UNC5D: variants seen among roughly 807,000 people sequenced by gnomAD.
The protein encoded by UNC5D is unc-5 netrin receptor D, also known as netrin receptor UNC5D.
In UNC5D, 39 loss-of-function variants were observed where a neutral mutation model predicts 105.4. The ratio of observed to expected loss-of-function variants is 0.37; its 90% CI spans 0.29 to 0.48. The LOEUF (loss-of-function observed/expected upper bound fraction) is 0.48. Among genes scored for constraint, UNC5D ranks in the 20% least tolerant of loss-of-function variants. The pLI is 0.98. For missense variants in UNC5D, 991 were observed against 1,202.4 expected (o/e 0.82, Z 2.60); for synonymous variants, 452 against 450.4 (o/e 1.00, Z -0.04).
intron 2 of UNC5D, among the ~76,000 whole-genome samples, chr8:35,564,573 A>T (rs1346645095): frequency 1.3e-5 from 2 of 151,974 alleles, no homozygotes; most frequent in Non-Finnish European, 1.5e-5. Flanking sequence ...TGCATGCTCC[A>T]CTCCAGCTTG....
intron 4 of UNC5D, among the ~76,000 whole-genome samples, chr8:35,645,260 G>T (rs1036583556): frequency 2.6e-5 from 4 of 152,070 alleles, no homozygotes; most frequent in African/African-American, 9.7e-5. Flanking sequence ...TTTCAAATGG[G>T]TGACAGATCC....
At chr8:35,447,477 T>C (rs181270198) in intron 1 of UNC5D, among the ~76,000 whole-genome samples, 69 of 152,224 alleles carry the variant, frequency 4.5e-4, no homozygotes, top group African/African-American at 1.6e-3. Flanking sequence ...AAACTAGGTT[T>C]CAGTCCTTCT....
intron 1 of UNC5D, among the ~76,000 whole-genome samples, chr8:35,372,751 T>C (rs1802495573): frequency 6.6e-6 from 1 of 152,046 alleles, no homozygotes; most frequent in East Asian, 1.9e-4. Context: ...CTATAGGCAA[T>C]TGTGATCACA....
chr8:35,667,367 C>CA (rs1824493891), intron 4 of UNC5D, among the ~76,000 whole-genome samples: 1 of 152,090 alleles, frequency 6.6e-6, no homozygotes, highest in East Asian at 1.9e-4. Flanking sequence ...GGCCATTTTC[C>CA]AAAACACTGT....
chr8:35,663,844 C>T (rs1824262069), intron 4 of UNC5D, among the ~76,000 whole-genome samples: 1 of 152,084 alleles, frequency 6.6e-6, no homozygotes, highest in Non-Finnish European at 1.5e-5. Flanking sequence ...TAGAAAGTTG[C>T]AGATAAGAGG....
chr8:35,553,623 C>T (rs76510847), intron 2 of UNC5D, among the ~76,000 whole-genome samples: 531 of 152,208 alleles, frequency 3.5e-3, no homozygotes, highest in Middle Eastern at 0.014. Context: ...CACTATCTGC[C>T]GCACACTGCA....
chr8:35,245,484 G>T (rs749882960), intron 1 of UNC5D, among the ~76,000 whole-genome samples: 2 of 152,012 alleles, frequency 1.3e-5, no homozygotes, highest in Non-Finnish European at 2.9e-5. Context: ...TTCCAAAGTT[G>T]TTTCTCTTAA....
chr8:35,388,194 T>C (rs1368647841), intron 1 of UNC5D, among the ~76,000 whole-genome samples: 1 of 151,856 alleles, frequency 6.6e-6, no homozygotes, highest in African/African-American at 2.4e-5. Context: ...GTAAACCCCG[T>C]CTCTACTAAA....
At chr8:35,281,422 CTT>C (rs10601544) in intron 1 of UNC5D, among the ~76,000 whole-genome samples, 112,162 of 142,174 alleles carry the variant, frequency 0.79, 44,485 homozygotes, top group East Asian at 0.99. Context: ...CTTTTTTTTT[CTT>C]TTTTTTTTTT....
chr8:35,674,984 C>T (rs776056731), intron 4 of UNC5D, among the ~76,000 whole-genome samples: 15 of 152,252 alleles, frequency 9.9e-5, no homozygotes, highest in Admixed American at 8.5e-4. Context: ...CTCTAATAGA[C>T]CTGTCTCTCT....
intron 4 of UNC5D, among the ~76,000 whole-genome samples, chr8:35,614,657 G>A (rs1374631061): frequency 6.6e-6 from 1 of 151,948 alleles, no homozygotes; most frequent in Non-Finnish European, 1.5e-5. Context: ...AATTTGCTAT[G>A]GTAAAAGAGA....
chr8:35,534,181 TATA>T (rs201443878), intron 1 of UNC5D, among the ~76,000 whole-genome samples: 2 of 152,288 alleles, frequency 1.3e-5, no homozygotes, highest in East Asian at 3.9e-4. Flanking sequence ...GCTGGAATTG[TATA>T]ATATTATAGG....
intron 13 of UNC5D, 129 bp from the exon 14 acceptor site, chr8:35,759,191 T>TG (rs1397823787): frequency 1.0e-6 from 1 of 981,670 alleles, no homozygotes; most frequent in Non-Finnish European, 1.5e-6. Flanking sequence ...TAAAGAAGTA[T>TG]GTTTCTCCTA....
intron 1 of UNC5D, among the ~76,000 whole-genome samples, chr8:35,271,501 C>A (rs1183718293): frequency 7.0e-6 from 1 of 142,318 alleles, no homozygotes; most frequent in East Asian, 2.2e-4. Context: ...ATATTTAGGT[C>A]TACATATGTA....
chr8:35,715,148 T>C (rs570421073), intron 8 of UNC5D, among the ~76,000 whole-genome samples: 1 of 152,072 alleles, frequency 6.6e-6, no homozygotes, highest in Non-Finnish European at 1.5e-5. Context: ...CAAAACTCTG[T>C]CTCAAAAAAA....
intron 1 of UNC5D, among the ~76,000 whole-genome samples, chr8:35,296,608 T>TG (rs1244708042): frequency 2.0e-5 from 3 of 152,200 alleles, no homozygotes; most frequent in East Asian, 1.9e-4. Context: ...TTGGTACAGA[T>TG]GGGGGTCTCA....
At chr8:35,601,774 A>G (rs1333712144) in intron 4 of UNC5D, among the ~76,000 whole-genome samples, 1 of 152,094 alleles carries the variant, frequency 6.6e-6, no homozygotes, top group Non-Finnish European at 1.5e-5. Flanking sequence ...CTCTTTTCCT[A>G]ATTGAATGCC....
rs1244876233 is a variant in UNC5D, at chr8:35,598,439, A to C, written c.570+2782A>C. On this transcript the variant is annotated intron_variant, in intron 4 of 16. Coordinates refer to ENST00000404895, the MANE Select transcript of UNC5D (RefSeq NM_080872.4). ...TGTGGAGAAAAGGAAACCACTGCAC[A>C]CTGTTGGTGGGAATGGAAATTGGTA... Among the ~76,000 whole-genome samples, 5 of 152,244 alleles carry C rather than the reference A, an allele frequency of 3.3e-5. No individual in the cohort carries two copies. The East Asian group carries it at 9.7e-4, about 29-fold the overall frequency.
At chr8:35,566,718 C>T (rs757704968) in intron 2 of UNC5D, among the ~76,000 whole-genome samples, 1 of 152,120 alleles carries the variant, frequency 6.6e-6, no homozygotes, top group African/African-American at 2.4e-5. Flanking sequence ...CACAGAGTAC[C>T]GTGGAAATGT....
Sources: allele counts gnomAD v4.1 joint callset (sites outside exome capture counted in the v4.1 genomes callset), GRCh38; gene constraint gnomAD v4.1.1; transcripts MANE v1.5; gene names NCBI Gene and HGNC (gene_info 2026-07-23, HGNC 2026-07-21).